STXBP4: variants seen among roughly 807,000 people sequenced by gnomAD.
STXBP4 encodes the protein syntaxin-binding protein 4.
Under a neutral mutation model 76.1 loss-of-function variants are expected in STXBP4, and 55 were observed. The observed-to-expected ratio is 0.72, with a 90% CI of 0.58 to 0.91. The LOEUF (loss-of-function observed/expected upper bound fraction) is 0.91, where lower values mean the gene tolerates loss of function less well. Among genes scored for constraint, STXBP4 ranks in the 40% least tolerant of loss-of-function variants. The pLI, the probability that STXBP4 is intolerant of heterozygous loss-of-function variation, is 0.00. For synonymous variants in STXBP4, 201 were observed against 220.2 expected, an observed-to-expected ratio of 0.91 and a Z score of 0.77; for missense variants, 618 against 636.9, an observed-to-expected ratio of 0.97 and a Z score of 0.32.
At chr17:55,121,162 G>A (rs993545676) in intron 16 of STXBP4, among the ~76,000 whole-genome samples, 4 of 152,168 alleles carry the variant, frequency 2.6e-5, no homozygotes, top group African/African-American at 4.8e-5. Flanking sequence ...GAAGAGAGGA[G>A]TAAAAGAGTT....
At chr17:55,185,440 GGT>G in the STXBP4 span, among the ~76,000 whole-genome samples, 2 of 151,524 alleles carry the variant, frequency 1.3e-5, no homozygotes, top group East Asian at 3.9e-4. Flanking sequence ...TCTCAAGTGG[GGT>G]GTGTGTACGT....
At chr17:55,011,363 A>G (rs2078105441) in intron 8 of STXBP4, among the ~76,000 whole-genome samples, 1 of 151,896 alleles carries the variant, frequency 6.6e-6, no homozygotes, top group Non-Finnish European at 1.5e-5. Flanking sequence ...AAGAATCAGA[A>G]CCTTTGACAT....
At chr17:55,073,273 G>A (rs1271004134) in intron 13 of STXBP4, among the ~76,000 whole-genome samples, 197 bp downstream of exon 13, 1 of 152,176 alleles carries the variant, frequency 6.6e-6, no homozygotes, top group Non-Finnish European at 1.5e-5. Context: ...CTTTGGGATG[G>A]AAAAGCATGT....
At chr17:55,034,915 T>G (rs1473816892) in intron 10 of STXBP4, among the ~76,000 whole-genome samples, 1 of 152,074 alleles carries the variant, frequency 6.6e-6, no homozygotes, top group Non-Finnish European at 1.5e-5. Context: ...TATTGAATAT[T>G]TTAGTCCTTT....
At chr17:55,092,931 A>G (rs17817574) in intron 16 of STXBP4, among the ~76,000 whole-genome samples, 29,260 of 151,972 alleles carry the variant, frequency 0.19, 3,467 homozygotes, top group East Asian at 0.5. Flanking sequence ...GCATATATTT[A>G]TTAAGAAGCA....
At chr17:55,115,641 A>G (rs79976756) in intron 16 of STXBP4, among the ~76,000 whole-genome samples, 465 of 151,960 alleles carry the variant, frequency 3.1e-3, no homozygotes, top group Non-Finnish European at 5.2e-3. Flanking sequence ...CTTTAATAAA[A>G]TGCAGTGATA....
At chr17:55,113,262 C>T (rs575793925) in intron 16 of STXBP4, among the ~76,000 whole-genome samples, 21 of 145,800 alleles carry the variant, frequency 1.4e-4, no homozygotes, top group Admixed American at 2.8e-4. Context: ...CACACACACA[C>T]GAGGTAGCTA....
chr17:55,016,517 T>TA (rs1229995855), intron 8 of STXBP4, among the ~76,000 whole-genome samples: 2 of 152,244 alleles, frequency 1.3e-5, no homozygotes, highest in Non-Finnish European at 2.9e-5. Flanking sequence ...GTAAGTACTT[T>TA]AAGGCTTGGC....
chr17:55,047,231 A>T, intron 12 of STXBP4, 77 bp downstream of exon 12: 1 of 822,138 alleles, frequency 1.2e-6, no homozygotes, highest in Non-Finnish European at 1.9e-6. Flanking sequence ...CATATGAGGT[A>T]TAATTATAAA....
intron 16 of STXBP4, among the ~76,000 whole-genome samples, chr17:55,088,145 C>T (rs764619151): frequency 6.6e-6 from 1 of 152,128 alleles, no homozygotes; most frequent in Non-Finnish European, 1.5e-5. Flanking sequence ...AGCTGATTTT[C>T]TTTCTCTTTA....
chr17:54,999,617 T>C lies in STXBP4; in HGVS notation c.288-15T>C, dbSNP rs1280504072. The C allele has an allele frequency of 1.9e-6, 3 of 1,605,988 alleles. No individual in the cohort carries two copies. In the African/African-American group the frequency reaches 4.0e-5, roughly 22 times the overall value. ...TTCATAGCATATCCATAAAGTGATT[T>C]CTTTTTAGTACTAGGTTAGAATCTG... On this transcript the variant is annotated splice_polypyrimidine_tract_variant and intron_variant, in intron 5 of 17. Coordinates refer to ENST00000376352, the MANE Select transcript of STXBP4 (RefSeq NM_178509.6).
At chr17:55,113,130 C>A (rs759414783) in intron 16 of STXBP4, among the ~76,000 whole-genome samples, 6 of 151,432 alleles carry the variant, frequency 4.0e-5, no homozygotes, top group Non-Finnish European at 5.9e-5. Flanking sequence ...TGTAACACTG[C>A]AGTTTAAAAG....
At chr17:55,080,987 T>G in intron 15 of STXBP4, 63 bp from the exon 16 acceptor site, 2 of 1,306,752 alleles carry the variant, frequency 1.5e-6, no homozygotes. Context: ...CAACTTCAGA[T>G]TTAGTAAAGA....
At chr17:54,993,572 A>C (rs967990815) in intron 4 of STXBP4, among the ~76,000 whole-genome samples, 3 of 152,338 alleles carry the variant, frequency 2.0e-5, no homozygotes, top group South Asian at 2.1e-4. Context: ...ATATTCTTCA[A>C]ATACAAAATT....
chr17:55,056,800 A>G (rs1468682475), intron 12 of STXBP4, among the ~76,000 whole-genome samples: 1 of 151,924 alleles, frequency 6.6e-6, no homozygotes, highest in Non-Finnish European at 1.5e-5. Flanking sequence ...TGAGCCCAGC[A>G]GTTCCATTCC....
chr17:55,018,881 A>G (rs898909926), intron 8 of STXBP4, among the ~76,000 whole-genome samples: 16 of 152,314 alleles, frequency 1.1e-4, no homozygotes, highest in African/African-American at 3.8e-4. Context: ...GTGGATCTTC[A>G]GTTGCTTCAG....
chr17:55,159,043 C>T (rs1390621933), intron 17 of STXBP4, among the ~76,000 whole-genome samples: 2 of 152,112 alleles, frequency 1.3e-5, no homozygotes, highest in Non-Finnish European at 2.9e-5. Context: ...CCAAGAGTTC[C>T]AGACCAGCCT....
At chr17:55,190,001 G>A in the STXBP4 span, among the ~76,000 whole-genome samples, 3 of 152,178 alleles carry the variant, frequency 2.0e-5, no homozygotes, top group Non-Finnish European at 1.5e-5. Flanking sequence ...CCTCTAGGCA[G>A]TAGGCCACTG....
the STXBP4 span, among the ~76,000 whole-genome samples, chr17:55,201,993 A>C: frequency 6.6e-6 from 1 of 152,210 alleles, no homozygotes; most frequent in Non-Finnish European, 1.5e-5. Flanking sequence ...GTGGAATTGA[A>C]TGTTTCTCCT....
Sources: gnomAD v4.1 joint callset for allele counts (sites outside exome capture counted in the v4.1 genomes callset) on GRCh38, gnomAD v4.1.1 for gene constraint, MANE v1.5 for transcripts, NCBI Gene and HGNC (gene_info 2026-07-23, HGNC 2026-07-21) for gene names.